Variants in SKIC3 observed in about 807,000 individuals in gnomAD.
The protein encoded by SKIC3 is superkiller complex protein 3.
the SKIC3 span, chr5:95,543,058 T>G: frequency 8.3e-7 from 1 of 1,201,098 alleles, no homozygotes; most frequent in Non-Finnish European, 1.2e-6. Context: ...AACCAATAAA[T>G]TTAAATTTTT....
At chr5:95,521,377 T>A in the SKIC3 span, 1 of 152,888 alleles carries the variant, frequency 6.5e-6, no homozygotes, top group African/African-American at 2.4e-5. Context: ...ATGTGCTCAC[T>A]TCAGCAGCAC....
chr5:95,504,038 G>GCC, the SKIC3 span: 1 of 1,159,424 alleles, frequency 8.6e-7, no homozygotes, highest in Non-Finnish European at 1.2e-6. Flanking sequence ...GCCGGACGCG[G>GCC]TGGCTCACAT....
the SKIC3 span, among the ~76,000 whole-genome samples, chr5:95,507,813 A>G: frequency 2.4e-4 from 37 of 152,298 alleles, no homozygotes; most frequent in African/African-American, 7.9e-4. Flanking sequence ...AGAAAACAGC[A>G]GTGATGATCA....
At chr5:95,487,484 T>C in the SKIC3 span, among the ~76,000 whole-genome samples, 2 of 152,114 alleles carry the variant, frequency 1.3e-5, no homozygotes, top group Non-Finnish European at 1.5e-5. Context: ...CTGCCACCAC[T>C]AGGACCCAAA....
At chr5:95,467,625 T>G in the SKIC3 span, among the ~76,000 whole-genome samples, 3 of 152,198 alleles carry the variant, frequency 2.0e-5, no homozygotes, top group Non-Finnish European at 4.4e-5. Context: ...TAACCCATGG[T>G]AAGATACAAA....
At chr5:95,467,374 C>T in the SKIC3 span, among the ~76,000 whole-genome samples, 1 of 152,262 alleles carries the variant, frequency 6.6e-6, no homozygotes, top group Middle Eastern at 3.4e-3. Flanking sequence ...TGCTTCACAA[C>T]TGATCACGAC....
the SKIC3 span, chr5:95,504,086 TGGGGGTG>T: frequency 1.6e-4 from 1 of 6,078 alleles, no homozygotes; most frequent in African/African-American, 5.2e-4. Context: ...AGGCGGGGGG[TGGGGGTG>T]GGGGGTGGGG....
the SKIC3 span, among the ~76,000 whole-genome samples, chr5:95,482,259 A>T: frequency 6.6e-6 from 1 of 152,184 alleles, no homozygotes; most frequent in Non-Finnish European, 1.5e-5. Context: ...AGAATCAATA[A>T]CTTAAAAAGC....
chr5:95,524,596 G>A, the SKIC3 span: 5 of 1,612,954 alleles, frequency 3.1e-6, no homozygotes, highest in African/African-American at 1.3e-5. Flanking sequence ...TGAAAACTAA[G>A]CCACCAAAGG....
the SKIC3 span, chr5:95,541,691 G>A: frequency 1.4e-6 from 1 of 704,214 alleles, no homozygotes; most frequent in East Asian, 2.8e-5. Flanking sequence ...TACGACAAAT[G>A]TTTGAAAAAA....
chr5:95,536,596 C>CA, the SKIC3 span: 1 of 493,126 alleles, frequency 2.0e-6, no homozygotes, highest in Non-Finnish European at 3.6e-6. Flanking sequence ...CACTGACTAA[C>CA]AATAAATCTG....
the SKIC3 span, chr5:95,516,377 T>A: frequency 1.2e-6 from 2 of 1,613,178 alleles, no homozygotes; most frequent in Non-Finnish European, 1.7e-6. Flanking sequence ...TTGTGAGGTA[T>A]AACACTCCCA....
chr5:95,495,622 C>T, the SKIC3 span: 1 of 152,534 alleles, frequency 6.6e-6, no homozygotes, highest in Non-Finnish European at 1.5e-5. Flanking sequence ...ATTTTAGAGT[C>T]GAGTAACAAT....
At chr5:95,540,981 T>A in the SKIC3 span, 48 of 873,258 alleles carry the variant, frequency 5.5e-5, no homozygotes, top group Non-Finnish European at 7.5e-5. Context: ...ATTTTATTTT[T>A]TTGAGACGGA....
the SKIC3 span, chr5:95,478,363 G>A: frequency 5.0e-6 from 8 of 1,613,866 alleles, no homozygotes; most frequent in Admixed American, 1.2e-4. Context: ...GCCCCGTTGG[G>A]ATGCCAATTG....
chr5:95,490,392 T>A, the SKIC3 span, among the ~76,000 whole-genome samples: 1 of 148,682 alleles, frequency 6.7e-6, no homozygotes, highest in Non-Finnish European at 1.5e-5. Flanking sequence ...TATGGATTTT[T>A]AATGAATATA....
At chr5:95,536,599 T>C in the SKIC3 span, 1 of 499,062 alleles carries the variant, frequency 2.0e-6, no homozygotes. Flanking sequence ...TGACTAACAA[T>C]AAATCTGGCA....
chr5:95,464,503 GAATA>G, the SKIC3 span: 3 of 904,082 alleles, frequency 3.3e-6, no homozygotes, highest in South Asian at 3.0e-5. Context: ...TTTAGAAAAG[GAATA>G]AATATAGTTT....
the SKIC3 span, chr5:95,525,324 A>T: frequency 7.6e-7 from 1 of 1,309,986 alleles, no homozygotes; most frequent in Non-Finnish European, 1.1e-6. Flanking sequence ...CATCAAGCCT[A>T]CTCATTTTGA....
Sources: gnomAD v4.1 joint callset for allele counts (sites outside exome capture counted in the v4.1 genomes callset) on GRCh38, gnomAD v4.1.1 for gene constraint, MANE v1.5 for transcripts, NCBI Gene and HGNC (gene_info 2026-07-23, HGNC 2026-07-21) for gene names.